CPED1: variants seen among roughly 807,000 people sequenced by gnomAD.
CPED1 encodes the protein cadherin like and PC-esterase domain containing 1.
CPED1 carries 114 observed loss-of-function variants against 128.2 expected under a neutral mutation model. The observed-to-expected ratio is 0.89, with a 90% confidence interval of 0.76 to 1.04. The LOEUF (loss-of-function observed/expected upper bound fraction) is 1.04. CPED1 is among the 50% of genes least tolerant of loss of function. CPED1 has a pLI of 0.00. For synonymous variants in CPED1, 462 were observed against 426.7 expected (o/e 1.08, Z -1.02); for missense variants, 1,211 against 1,207.1 (o/e 1.00, Z -0.05).
intron 16 of CPED1, among the ~76,000 whole-genome samples, chr7:121,204,659 C>T (rs1797476792): frequency 6.6e-6 from 1 of 152,134 alleles, no homozygotes; most frequent in South Asian, 2.1e-4. Flanking sequence ...GGCACATTAT[C>T]TCATTTCCCC....
intron 3 of CPED1, among the ~76,000 whole-genome samples, chr7:121,027,880 T>C (rs1792635603): frequency 6.6e-6 from 1 of 151,948 alleles, no homozygotes. Context: ...CTCTTGGAAT[T>C]TAAAAAATCT....
intron 7 of CPED1, among the ~76,000 whole-genome samples, chr7:121,121,860 G>A (rs931737325): frequency 2.0e-5 from 3 of 152,152 alleles, no homozygotes; most frequent in Admixed American, 2.0e-4. Context: ...ATTCTGCACT[G>A]AGACTCACAG....
chr7:121,068,396 G>C (rs540056138), intron 5 of CPED1, among the ~76,000 whole-genome samples: 53 of 151,962 alleles, frequency 3.5e-4, no homozygotes, highest in Non-Finnish European at 6.6e-4. Context: ...GCTTGTTTTT[G>C]TCAGGTTTGT....
At chr7:121,112,922 A>G (rs1171907560) in intron 7 of CPED1, among the ~76,000 whole-genome samples, 1 of 152,212 alleles carries the variant, frequency 6.6e-6, no homozygotes, top group Admixed American at 6.5e-5. Context: ...GAATAGGGAA[A>G]TATTTAAATT....
intron 2 of CPED1, among the ~76,000 whole-genome samples, chr7:120,996,039 G>T (rs147587375): frequency 6.6e-6 from 1 of 151,960 alleles, no homozygotes; most frequent in Non-Finnish European, 1.5e-5. Flanking sequence ...AGCACTTTGG[G>T]AGGCTGAAGC....
At chr7:121,146,940 C>T (rs567913414) in intron 16 of CPED1, among the ~76,000 whole-genome samples, 1 of 152,146 alleles carries the variant, frequency 6.6e-6, no homozygotes, top group Admixed American at 6.6e-5. Flanking sequence ...TTTCTTTGTT[C>T]CAGGGAAGTT....
At chr7:121,242,668 GA>G (rs1014310684) in intron 17 of CPED1, among the ~76,000 whole-genome samples, 197 of 151,932 alleles carry the variant, frequency 1.3e-3, no homozygotes, top group Middle Eastern at 6.8e-3. Flanking sequence ...CAAAGAAAAG[GA>G]AAAAATGGTG....
At chr7:121,235,859 G>A (rs1798242140) in intron 16 of CPED1, among the ~76,000 whole-genome samples, 1 of 152,118 alleles carries the variant, frequency 6.6e-6, no homozygotes, top group Non-Finnish European at 1.5e-5. Context: ...AGACCTTGCT[G>A]AGACCTAAAA....
chr7:121,263,092 A>C (rs1259059812), intron 18 of CPED1, among the ~76,000 whole-genome samples: 1 of 152,084 alleles, frequency 6.6e-6, no homozygotes, highest in African/African-American at 2.4e-5. Context: ...TGCGATTTAG[A>C]AGAGCTTGTT....
intron 2 of CPED1, among the ~76,000 whole-genome samples, chr7:120,992,822 C>T (rs188640715): frequency 2.2e-4 from 33 of 152,248 alleles, no homozygotes; most frequent in Admixed American, 1.7e-3. Context: ...TGTACTTTGT[C>T]AGCCTCCTAA....
In CPED1 at chr7:121,020,126, A is replaced by G. The variant is rs190592637; in HGVS notation, c.433+4278A>G. ...CAAATAAACAAATTATGTATATTAT[A>G]ATCCATGTGAAAAACAAAATGCAAA... On this transcript the variant is annotated intron_variant, in intron 3 of 22. Transcript: ENST00000310396. Among the ~76,000 whole-genome samples, 5 of 152,198 alleles carry G rather than the reference A, an allele frequency of 3.3e-5. No individual in the cohort carries two copies. In the East Asian group the frequency reaches 5.8e-4, roughly 18 times the overall value.
intron 5 of CPED1, among the ~76,000 whole-genome samples, chr7:121,096,536 T>A (rs1163030236): frequency 6.6e-6 from 1 of 152,130 alleles, no homozygotes; most frequent in Admixed American, 6.6e-5. Flanking sequence ...TTGCAGTGCG[T>A]TTACCATTGA....
chr7:121,195,720 A>C (rs1304506540), intron 16 of CPED1, among the ~76,000 whole-genome samples: 1 of 152,212 alleles, frequency 6.6e-6, no homozygotes, highest in Non-Finnish European at 1.5e-5. Context: ...TGCATTTTGA[A>C]GAAAACATTT....
chr7:121,136,139 C>T (rs778645826), intron 14 of CPED1, 49 bp downstream of exon 14: 3 of 1,505,184 alleles, frequency 2.0e-6, no homozygotes, highest in Admixed American at 5.1e-5. Flanking sequence ...AATTAGGGAA[C>T]AGCCTTACTT....
intron 3 of CPED1, among the ~76,000 whole-genome samples, chr7:121,041,255 G>T (rs1793045136): frequency 6.6e-6 from 1 of 151,880 alleles, no homozygotes; most frequent in African/African-American, 2.4e-5. Context: ...TAAATATGTG[G>T]CAAATGCTTT....
chr7:121,254,541 AAAAT>A (rs919895928), intron 18 of CPED1, among the ~76,000 whole-genome samples: 2 of 152,034 alleles, frequency 1.3e-5, no homozygotes, highest in Non-Finnish European at 2.9e-5. Flanking sequence ...CTAGCAGAAA[AAAAT>A]AAATAACTAA....
At chr7:121,255,356 A>G (rs575420391) in intron 18 of CPED1, among the ~76,000 whole-genome samples, 5 of 152,242 alleles carry the variant, frequency 3.3e-5, no homozygotes, top group Admixed American at 6.5e-5. Flanking sequence ...ATAAATTTCA[A>G]CATTCCTTCA....
intron 3 of CPED1, among the ~76,000 whole-genome samples, chr7:121,030,494 C>T (rs138766145): frequency 1.7e-3 from 257 of 152,280 alleles, no homozygotes; most frequent in African/African-American, 5.9e-3. Context: ...GGACATGAAT[C>T]GTCCCTTTGT....
chr7:121,214,610 T>A (rs533398595), intron 16 of CPED1, among the ~76,000 whole-genome samples: 6 of 152,106 alleles, frequency 3.9e-5, no homozygotes, highest in East Asian at 3.9e-4. Context: ...TAGAGTATTT[T>A]AAAAATATTA....
Sources: gnomAD v4.1 joint callset for allele counts (sites outside exome capture counted in the v4.1 genomes callset) on GRCh38, gnomAD v4.1.1 for gene constraint, MANE v1.5 for transcripts, NCBI Gene and HGNC (gene_info 2026-07-23, HGNC 2026-07-21) for gene names.